Variants in ROBO3 observed in about 807,000 individuals in gnomAD.
ROBO3 encodes the protein roundabout homolog 3.
A neutral mutation model predicts 160.5 loss-of-function variants in ROBO3; 97 were observed. The ratio of observed to expected loss-of-function variants is 0.60; its 90% CI spans 0.51 to 0.72. ROBO3 has a LOEUF of 0.72. ROBO3 is among the 30% of genes least tolerant of loss of function. The pLI is 0.00. For synonymous variants in ROBO3, 780 were observed against 746.2 expected (o/e 1.05, Z -0.74); for missense variants, 1,858 against 1,846.5 (o/e 1.01, Z -0.11).
chr11:124,870,046 G>C lies in ROBO3; in HGVS notation c.744G>C (p.Ala248=). Reference sequence around the variant, plus strand: ...ACATGGCGGGAGAACGGGAGAGTGCGGCAGCTGAAGTCATGGTACTGGGTA... The same window carrying C: ...ACATGGCGGGAGAACGGGAGAGTGCCGCAGCTGAAGTCATGGTACTGGGTA... ...ASNMAGERES[A]AAEVMVLERP... Residue 248 remains alanine, a synonymous_variant, in exon 4 of 28, where the codon GCG becomes GCC. Transcript: ENST00000397801. 1 of 1,614,008 alleles carries C rather than the reference G, an allele frequency of 6.2e-7. No homozygotes were observed. The highest frequency in any genetic ancestry group is 8.5e-7 in the Non-Finnish European group (1 of 1,179,894).
chr11:124,870,129 A>G (rs1185905954), intron 4 of ROBO3, 36 bp from the exon 5 acceptor site: 1 of 1,614,054 alleles, frequency 6.2e-7, no homozygotes, highest in Non-Finnish European at 8.5e-7. Context: ...GTAGCCGTGC[A>G]GACACCCTGA....
In ROBO3 at chr11:124,872,661, G is replaced by C; in HGVS notation, c.1330+109G>C. ...ATACTATGTCTGCAAGAGGAGAGATGTGTTCCTGAGGCATGACCTTGAAGT... is the reference window on the plus strand; with the variant it reads ...ATACTATGTCTGCAAGAGGAGAGATCTGTTCCTGAGGCATGACCTTGAAGT... On this transcript the variant is annotated intron_variant, in intron 8 of 27. Coordinates refer to ENST00000397801, the MANE Select transcript of ROBO3 (RefSeq NM_022370.4). This position sits in a 1 kb window ranked among gnomAD's most constrained non-coding sequence, Gnocchi z 4.3. 1.1e-5 allele frequency: 13 copies of C among 1,187,898 alleles called. No individual in the cohort carries two copies. Among genetic ancestry groups the C allele is most frequent in the Non-Finnish European group, 1.5e-5 (13 of 856,422 alleles). The allele number at this position is 1,187,898 out of a possible 1,614,324, so 73.6% of individuals were successfully genotyped here.
In ROBO3 at chr11:124,878,700, C is replaced by T. The variant is rs1450368850; in HGVS notation, c.3437C>T (p.Pro1146Leu). Residue 1146 changes from proline (P) to leucine (L), a missense_variant, in exon 23 of 28, where the codon CCT (proline) becomes CTT (leucine). Coordinates refer to ENST00000397801, the MANE Select transcript of ROBO3 (RefSeq NM_022370.4). This position sits in a 1 kb window ranked among gnomAD's most constrained non-coding sequence, Gnocchi z 4.3. ...CGAAGGGAAACCCCCTCTCCCACAC[C>T]TTCCTATGGACAGCAGTCCACAGCC... ...PSRRETPSPTPSYGQQSTATL... is the reference protein window; with the variant it reads ...PSRRETPSPTLSYGQQSTATL... 2 of 1,613,938 alleles carry T rather than the reference C, an allele frequency of 1.2e-6. No individual in the cohort carries two copies. Among genetic ancestry groups the T allele is most frequent in the South Asian group, 2.2e-5 (2 of 91,074 alleles).
rs1946250443 is a variant in ROBO3 at position 124,869,469 on chromosome 11, G to A, written c.507G>A (p.Arg169=). 1 of 1,534,516 alleles carries A rather than the reference G, an allele frequency of 6.5e-7. No individual in the cohort carries two copies. The part of the protein sequence containing the change: ...LEVAVLRDDF[R]QSPGNVVVAV... ...GCCCAGTCCTCCGTGATGATTTCCG[G>A]CAGTCTCCTGGAAACGTGGTGGTGG... The change falls in exon 3 of 28, where the codon CGG becomes CGA. Residue 169 remains arginine, a synonymous_variant. Transcript: ENST00000397801. The surrounding 1 kb of genome is among the most constrained non-coding windows in gnomAD (Gnocchi z 4.2).
rs1591516868 is a variant in ROBO3, at chr11:124,876,962, A to C, written c.2780-199A>C. ...GTGGTTTTCAATCTTGGTTGGCTAC[A>C]CATAGGAATCACTTGAGGGGCTTGA... is the stretch of plus-strand genomic sequence containing the variant. On this transcript the variant is annotated intron_variant, in intron 17 of 27. Transcript: ENST00000397801. This position sits in a 1 kb window ranked among gnomAD's most constrained non-coding sequence, Gnocchi z 5.3. The C allele has an allele frequency of 1.5e-6, 1 of 671,508 alleles. No individual in the cohort carries two copies. The highest frequency in any genetic ancestry group is 2.7e-5 in the East Asian group (1 of 37,168). 41.6% of individuals were successfully genotyped at this position (671,508 alleles called of 1,614,324 possible).
intron 27 of ROBO3, 55 bp downstream of exon 27, chr11:124,880,663 C>T: frequency 6.8e-7 from 1 of 1,460,968 alleles, no homozygotes; most frequent in African/African-American, 1.4e-5. Flanking sequence ...AAGGGTGGAC[C>T]AAGGCGTAAT....
At position 124,874,184 on chromosome 11, in the gene ROBO3, A is replaced by T; in HGVS notation, c.1899A>T (p.Gly633=). 6.2e-7 allele frequency: 1 copy of T among 1,613,548 alleles called. No homozygotes were observed. The highest frequency in any genetic ancestry group is 8.5e-7 in the Non-Finnish European group (1 of 1,179,796). Residue 633 remains glycine, a synonymous_variant, in exon 12 of 28, where the codon GGA becomes GGT. Coordinates refer to ENST00000397801, the MANE Select transcript of ROBO3 (RefSeq NM_022370.4). ...ACCTGTTTCTGGTTCGAGCAGTGGG[A>T]GCCTGGGGCCTCAGTGAGCCCAGCC... is the stretch of plus-strand genomic sequence containing the variant. ...TIYLFLVRAV[G]AWGLSEPSPV... is the part of the protein sequence containing the mutation.
Position 124,869,547 on chromosome 11 carries a change from G to A in ROBO3, c.585G>A (p.Glu195=), listed in dbSNP as rs570457201. The A allele has an allele frequency of 1.2e-5, 19 of 1,566,116 alleles. No homozygotes were observed. The South Asian group carries it at 1.9e-4, about 16-fold the overall frequency. The change falls in exon 3 of 28, where the codon GAG becomes GAA. Residue 195 remains glutamate (E), a synonymous_variant. Coordinates refer to ENST00000397801, the MANE Select transcript of ROBO3 (RefSeq NM_022370.4). The surrounding 1 kb of genome is among the most constrained non-coding windows in gnomAD (Gnocchi z 4.2). ...LECVPPRGHP[E]PSVSWRKDGA... ...GCGTGCCCCCCCGCGGCCACCCGGA[G>A]CCTTCCGTGTCCTGGAGGAAGGACG...
Position 124,881,253 on chromosome 11 carries a change from C to T in ROBO3, c.*3C>T. ...TCTCTCCCTAGGAACCAAGATGACCCTTGTTGGGGCATTGAGAATATCATG... is the reference window on the plus strand; with the variant it reads ...TCTCTCCCTAGGAACCAAGATGACCTTTGTTGGGGCATTGAGAATATCATG... On this transcript the variant is annotated 3_prime_UTR_variant, in exon 28 of 28. Transcript: ENST00000397801. 1 of 1,604,024 alleles carries T rather than the reference C, an allele frequency of 6.2e-7. No individual in the cohort carries two copies. The highest frequency in any genetic ancestry group is 1.1e-5 in the South Asian group (1 of 88,652).
rs373411351 is a variant in ROBO3, at chr11:124,877,497, A to G, written c.2847-22A>G. The G allele has an allele frequency of 1.2e-5, 20 of 1,600,344 alleles. No homozygotes were observed. The African/African-American group carries it at 1.9e-4, about 15-fold the overall frequency. ...GGCCTCTTCAGGCTCTCCGTCCCCAACGCTCACCTGCTCTCCCTCAGGCCA... is the reference window on the plus strand; with the variant it reads ...GGCCTCTTCAGGCTCTCCGTCCCCAGCGCTCACCTGCTCTCCCTCAGGCCA... On this transcript the variant is annotated intron_variant, in intron 19 of 27. Coordinates refer to ENST00000397801, the MANE Select transcript of ROBO3 (RefSeq NM_022370.4).
Position 124,869,418 on chromosome 11 carries a change from C to A in ROBO3, c.488-32C>A. 1 of 1,510,370 alleles carries A rather than the reference C, an allele frequency of 6.6e-7. No homozygotes were observed. Among genetic ancestry groups the A allele is most frequent in the Non-Finnish European group, 9.0e-7 (1 of 1,112,426 alleles). 93.6% of individuals were successfully genotyped at this position (1,510,370 alleles called of 1,614,324 possible). On this transcript the variant is annotated intron_variant, in intron 2 of 27. Transcript: ENST00000397801. The surrounding 1 kb of genome is among the most constrained non-coding windows in gnomAD (Gnocchi z 4.2). ...TCAGCCAGTTATGTCACTCTACACC[C>A]TGCTTATTTCGCCCCCCACCGCCCC...
intron 1 of ROBO3, among the ~76,000 whole-genome samples, chr11:124,866,458 C>T (rs1946197435): frequency 6.6e-6 from 1 of 152,204 alleles, no homozygotes; most frequent in South Asian, 2.1e-4. Flanking sequence ...GGAGCGCGCC[C>T]CCTGCCTGCC....
chr11:124,879,047 C>T, intron 23 of ROBO3, 143 bp from the exon 24 acceptor site: 1 of 991,272 alleles, frequency 1.0e-6, no homozygotes, highest in Non-Finnish European at 1.5e-6. Context: ...TCTCCTTATG[C>T]TTCTCTAGCT....
intron 1 of ROBO3, among the ~76,000 whole-genome samples, chr11:124,866,526 GCGGTCCCCATCCCTCTGCCT>G (rs1946198793): frequency 6.6e-6 from 1 of 152,200 alleles, no homozygotes; most frequent in South Asian, 2.1e-4. Context: ...CCAGGTGCAC[GCGGTCCCCATCCCTCTGCCT>G]CGACCCACTC....
rs1946307486 is a variant in ROBO3 at position 124,873,588 on chromosome 11, C to A, written c.1619-109C>A. 1 of 1,131,940 alleles carries A rather than the reference C, an allele frequency of 8.8e-7. No homozygotes were observed. Among genetic ancestry groups the A allele is most frequent in the Non-Finnish European group, 1.3e-6 (1 of 798,112 alleles). 70.1% of individuals were successfully genotyped at this position (1,131,940 alleles called of 1,614,324 possible). A position where few individuals can be genotyped will look rare whatever the true frequency, so the allele number is the denominator to read the frequency against. On this transcript the variant is annotated intron_variant, in intron 10 of 27. Transcript: ENST00000397801. The surrounding 1 kb of genome is among the most constrained non-coding windows in gnomAD (Gnocchi z 4.5). The stretch of plus-strand genomic sequence containing the variant: ...AGGGGTTCATATACTATAGCCCACT[C>A]TGACCATCACCGCAGCTCAGAGCTC...
In ROBO3 at chr11:124,865,574, A is replaced by T. The variant is rs748264753; in HGVS notation, c.-4A>T. 1 of 1,610,786 alleles carries T rather than the reference A, an allele frequency of 6.2e-7. No individual in the cohort carries two copies. The highest frequency in any genetic ancestry group is 1.1e-5 in the South Asian group (1 of 90,648). On this transcript the variant is annotated 5_prime_UTR_variant, in exon 1 of 28. Coordinates refer to ENST00000397801, the MANE Select transcript of ROBO3 (RefSeq NM_022370.4). This position sits in a 1 kb window ranked among gnomAD's most constrained non-coding sequence, Gnocchi z 5.5. ...CCCAGTCCCGATCCCAGCTGGGTCGAGCCATGCTGCGCTACCTGCTGAAAA... is the reference window on the plus strand; with the variant it reads ...CCCAGTCCCGATCCCAGCTGGGTCGTGCCATGCTGCGCTACCTGCTGAAAA...
rs372165076 is a variant in ROBO3 at position 124,877,171 on chromosome 11, C to T, written c.2790C>T (p.Ala930=). The part of the protein sequence containing the change: ...KELSHYTASF[A]YTPAVSFPHS... ...GTTCCTTTCTGGAAGCCTCTTTTGCCTACACACCGGCAGGTAAGCCATCTC... is the reference window on the plus strand; with the variant it reads ...GTTCCTTTCTGGAAGCCTCTTTTGCTTACACACCGGCAGGTAAGCCATCTC... Residue 930 remains alanine, a synonymous_variant, in exon 18 of 28, where the codon GCC becomes GCT. Transcript: ENST00000397801. 1.1e-4 allele frequency: 182 copies of T among 1,613,848 alleles called. No individual in the cohort carries two copies. The highest frequency in any genetic ancestry group is 1.5e-4 in the Non-Finnish European group (176 of 1,179,880).
intron 20 of ROBO3, 137 bp downstream of exon 20, chr11:124,877,795 C>A: frequency 1.6e-6 from 2 of 1,251,478 alleles, no homozygotes; most frequent in African/African-American, 1.5e-5. Flanking sequence ...GGAAGCCTCT[C>A]AGACCTACCT....
Position 124,873,058 on chromosome 11 carries a change from C to A in ROBO3, c.1505C>A (p.Ala502Asp). 1 of 1,613,836 alleles carries A rather than the reference C, an allele frequency of 6.2e-7. No individual in the cohort carries two copies. Among genetic ancestry groups the A allele is most frequent in the Non-Finnish European group, 8.5e-7 (1 of 1,179,790 alleles). ...GATGACCTCCAGTTCAAGACAATGG[C>A]CAACGGTACCCTGTACATCGCCAAT... ...QGDDLQFKTM[A>D]NGTLYIANVQ... The change falls in exon 9 of 28, where the codon GCC becomes GAC. Residue 502 changes from alanine to aspartate, a missense_variant. Transcript: ENST00000397801. This position sits in a 1 kb window ranked among gnomAD's most constrained non-coding sequence, Gnocchi z 4.5.
Sources: allele counts gnomAD v4.1 joint callset (sites outside exome capture counted in the v4.1 genomes callset), GRCh38; gene constraint gnomAD v4.1.1; non-coding constraint Gnocchi (gnomAD v3.1); transcripts MANE v1.5; gene names NCBI Gene and HGNC (gene_info 2026-07-23, HGNC 2026-07-21).